The following ITGA3 variants were observed in gnomAD, a reference collection of about 807,000 sequenced individuals.
ITGA3 encodes the protein integrin alpha-3.
Under a neutral mutation model 131.1 loss-of-function variants are expected in ITGA3, and 70 were observed. The observed-to-expected ratio is 0.53, with a 90% CI of 0.44 to 0.65. The LOEUF (loss-of-function observed/expected upper bound fraction) is 0.65, where lower values mean the gene tolerates loss of function less well. Ranked by LOEUF, ITGA3 falls within the 30% of genes least tolerant of loss-of-function variation. The pLI is 0.00. For missense variants in ITGA3, 1,098 were observed against 1,388.6 expected (o/e 0.79, Z 3.33); for synonymous variants, 537 against 571.6 (o/e 0.94, Z 0.86).
rs1260272981 is a variant in ITGA3, at chr17:50,088,306, G to A, written c.3127G>A (p.Glu1043Lys). 6.3e-7 allele frequency: 1 copy of A among 1,587,000 alleles called. No individual in the cohort carries two copies. Among genetic ancestry groups the A allele is most frequent in the East Asian group, 2.3e-5 (1 of 43,616 alleles). The change falls in exon 25 of 26, where the codon GAG becomes AAG. Residue 1043 changes from glutamate (E) to lysine (K), a missense_variant. Around this residue, in one of 3 missense-constraint regions of ITGA3, gnomAD observed 699 missense variants for 829.2 expected, o/e 0.84. Transcript: ENST00000320031. ...GGCGGAGATGAAGAGCCAGCCGTCA[G>A]AGACAGAGAGGCTGACCGACGACTA... ...QKAEMKSQPS[E>K]TERLTDDY
In ITGA3 at chr17:50,071,392, T is replaced by C. The variant is rs779646280; in HGVS notation, c.833T>C (p.Met278Thr). The change falls in exon 6 of 26, where the codon ATG becomes ACG. Residue 278 changes from methionine to threonine, a missense_variant. Met to Thr is a moderately conservative substitution (Grantham distance 81). Coordinates refer to ENST00000320031, the MANE Select transcript of ITGA3 (RefSeq NM_002204.4). ...IVTGAPRHRH[M>T]GAVFLLSQEA... ...ACAGGTGCCCCACGGCACCGACATA[T>C]GGGCGCGGTGTTCTTGCTGAGCCAG... 6 of 1,614,148 alleles carry C rather than the reference T, an allele frequency of 3.7e-6. No homozygotes were observed. Among genetic ancestry groups the C allele is most frequent in the East Asian group, 2.2e-5 (1 of 44,872 alleles).
Position 50,056,682 on chromosome 17 carries a change from G to C in ITGA3, c.206+37G>C. The C allele has an allele frequency of 1.3e-6, 2 of 1,562,172 alleles. No individual in the cohort carries two copies. Among genetic ancestry groups the C allele is most frequent in the Non-Finnish European group, 1.7e-6 (2 of 1,151,688 alleles). On this transcript the variant is annotated intron_variant, in intron 1 of 25. Transcript: ENST00000320031. This position sits in a 1 kb window ranked among gnomAD's most constrained non-coding sequence, Gnocchi z 5.6. The stretch of plus-strand genomic sequence containing the variant: ...TGGAGGGTGTGGGGTGGGAGCGAGA[G>C]AGTGTGCGAGCGCGGGATGCGGGTC...
At chr17:50,080,230 A>G (rs1259871932) in intron 21 of ITGA3, 32 bp from the exon 22 acceptor site, 3 of 1,283,406 alleles carry the variant, frequency 2.3e-6, no homozygotes, top group South Asian at 1.2e-5. Context: ...GACTCAGACT[A>G]TGTCACGTCT....
chr17:50,064,178 G>A lies in ITGA3; in HGVS notation c.308G>A (p.Cys103Tyr). 1 of 1,609,884 alleles carries A rather than the reference G, an allele frequency of 6.2e-7. No homozygotes were observed. The highest frequency in any genetic ancestry group is 8.5e-7 in the Non-Finnish European group (1 of 1,178,438). Residue 103 changes from cysteine to tyrosine, a missense_variant, in exon 2 of 26, where the codon TGT becomes TAT. Cys to Tyr is a radical substitution (Grantham distance 194, BLOSUM62 -2). This residue lies in a region of ITGA3 where 356 missense variants were observed against 529.2 expected (regional missense o/e 0.67). Transcript: ENST00000320031. The surrounding 1 kb of genome is among the most constrained non-coding windows in gnomAD (Gnocchi z 4.4). ...CCACTCACTGCCCACAAGGATGACTGTGAGCGGATGAACATCACAGTGAAA... is the reference window on the plus strand; with the variant it reads ...CCACTCACTGCCCACAAGGATGACTATGAGCGGATGAACATCACAGTGAAA... ...LCPLTAHKDD[C>Y]ERMNITVKND...
chr17:50,090,002 G>A lies in ITGA3; in HGVS notation c.*924G>A, dbSNP rs9909341. The A allele has an allele frequency of 0.011, 2,652 of 250,956 alleles. 70 individuals carry two copies. The highest frequency in any genetic ancestry group is 0.055 in the African/African-American group (2,465 of 44,416). The allele number at this position is 250,956 out of a possible 1,614,324, so 15.5% of individuals were successfully genotyped here. A position where few individuals can be genotyped will look rare whatever the true frequency, so the allele number is the denominator to read the frequency against. ...TGGGCTCACTGTGCTGGGGCACGGC[G>A]GGATCCTCCACAGAGAGGAGGGGAC... On this transcript the variant is annotated 3_prime_UTR_variant, in exon 26 of 26. Coordinates refer to ENST00000320031, the MANE Select transcript of ITGA3 (RefSeq NM_002204.4).
chr17:50,075,661 A>C lies in ITGA3; in HGVS notation c.1600A>C (p.Ser534Arg), dbSNP rs748746146. 3 of 1,614,084 alleles carry C rather than the reference A, an allele frequency of 1.9e-6. No individual in the cohort carries two copies. The highest frequency in any genetic ancestry group is 1.1e-5 in the South Asian group (1 of 91,090). ...GCCGCCCCGGCTCCGCTTTGCCGGC[A>C]GTGAGTCCGCTGTCTTCCACGGCTT... ...RRPPRLRFAG[S>R]ESAVFHGFFS... The change falls in exon 12 of 26, where the codon AGT (serine) becomes CGT (arginine). Residue 534 changes from serine (S) to arginine (R), a missense_variant. This residue lies in a region of ITGA3 where 699 missense variants were observed against 829.2 expected (regional missense o/e 0.84). Transcript: ENST00000320031.
At chr17:50,087,646 G>A (rs931814889) in intron 23 of ITGA3, 98 bp from the exon 24 acceptor site, 39 of 1,399,490 alleles carry the variant, frequency 2.8e-5, no homozygotes, top group Non-Finnish European at 3.7e-5. Context: ...ACTGGCAGCA[G>A]GACAAACAGC....
In ITGA3 at chr17:50,082,832, A is replaced by G. The variant is rs577865639; in HGVS notation, c.2919+1424A>G. Among the ~76,000 whole-genome samples, 14 of 151,790 alleles carry G rather than the reference A, an allele frequency of 9.2e-5. No homozygotes were observed. In the South Asian group the frequency reaches 2.9e-3, roughly 31 times the overall value. On this transcript the variant is annotated intron_variant, in intron 23 of 25. Transcript: ENST00000320031. ...TTGAGAAATGATTAGAAAAAAGTCA[A>G]TATTGTATTATCAAGTTGTCAGATC... is the stretch of plus-strand genomic sequence containing the variant.
rs554039704 is a variant in ITGA3, at chr17:50,058,884, A to G, written c.206+2239A>G. Among the ~76,000 whole-genome samples, 27 of 152,338 alleles carry G rather than the reference A, an allele frequency of 1.8e-4. No homozygotes were observed. The South Asian group carries it at 5.6e-3, about 32-fold the overall frequency. On this transcript the variant is annotated intron_variant, in intron 1 of 25. Coordinates refer to ENST00000320031, the MANE Select transcript of ITGA3 (RefSeq NM_002204.4). ...AAAGTGGGATGGTTCGTGGTCTTGGACAGGCTCTTAAACTGGGGTTCGTAG... is the reference window on the plus strand; with the variant it reads ...AAAGTGGGATGGTTCGTGGTCTTGGGCAGGCTCTTAAACTGGGGTTCGTAG...
intron 14 of ITGA3, 70 bp from the exon 15 acceptor site, chr17:50,076,904 C>T: frequency 6.6e-7 from 1 of 1,515,700 alleles, no homozygotes; most frequent in East Asian, 2.3e-5. Flanking sequence ...ACCCCAGGGG[C>T]GGGGCCTAGT....
chr17:50,070,778 G>GT, intron 4 of ITGA3, 66 bp from the exon 5 acceptor site: 2 of 1,047,408 alleles, frequency 1.9e-6, no homozygotes, highest in Non-Finnish European at 1.5e-6. Flanking sequence ...GCTGGACATG[G>GT]TAGAGGAAAC....
At chr17:50,068,454 A>G (rs1037986488) in intron 4 of ITGA3, 149 bp downstream of exon 4, 55 of 834,584 alleles carry the variant, frequency 6.6e-5, no homozygotes, top group Non-Finnish European at 9.2e-5. Flanking sequence ...ACTGTTTTAA[A>G]GCACTTACTA....
Position 50,058,517 on chromosome 17 carries a change from G to A in ITGA3, c.206+1872G>A, listed in dbSNP as rs543055187. 1.6e-4 allele frequency among the ~76,000 whole-genome samples: 25 copies of A among 152,342 alleles called. No individual in the cohort carries two copies. The South Asian group carries it at 3.3e-3, about 20-fold the overall frequency. ...TGCATCCTCATTACCCATGGGCCCC[G>A]CCCAGGGTGGCTGAGCAAAGGGGTT... is the stretch of plus-strand genomic sequence containing the variant. On this transcript the variant is annotated intron_variant, in intron 1 of 25. Transcript: ENST00000320031.
chr17:50,063,803 A>T, intron 1 of ITGA3: 1 of 457,568 alleles, frequency 2.2e-6, no homozygotes, highest in Non-Finnish European at 4.0e-6. Context: ...TTGTCCTCAG[A>T]CTCAGATTAG....
chr17:50,069,580 C>T (rs1908525355), intron 4 of ITGA3, among the ~76,000 whole-genome samples: 3 of 152,132 alleles, frequency 2.0e-5, no homozygotes, highest in South Asian at 2.1e-4. Flanking sequence ...GTGGGAGGAT[C>T]GCTTGGGCCC....
intron 4 of ITGA3, among the ~76,000 whole-genome samples, chr17:50,069,242 C>G (rs1908504117): frequency 6.6e-6 from 1 of 152,142 alleles, no homozygotes; most frequent in Non-Finnish European, 1.5e-5. Context: ...TGCCCAAGGC[C>G]AACAAAGTTA....
At chr17:50,077,155 A>C (rs1320632543) in intron 15 of ITGA3, 34 bp downstream of exon 15, 1 of 1,511,862 alleles carries the variant, frequency 6.6e-7, no homozygotes, top group Non-Finnish European at 8.9e-7. Flanking sequence ...GAGCCCAAGC[A>C]GGGCTCCCCG....
In ITGA3 at chr17:50,076,987, A is replaced by G. The variant is rs1182480165; in HGVS notation, c.1936A>G (p.Arg646Gly). 7 of 1,610,152 alleles carry G rather than the reference A, an allele frequency of 4.3e-6. No individual in the cohort carries two copies. Among genetic ancestry groups the G allele is most frequent in the African/African-American group, 1.3e-5 (1 of 74,854 alleles). ...QQKLSRLQYS[R>G]DVRKLLLSIN... ...TCCTGCTCTCAGGCTCCAGTACAGC[A>G]GAGACGTCCGGAAATTGCTCCTGAG... Residue 646 changes from arginine (R) to glycine (G), a missense_variant, in exon 15 of 26, where the codon AGA becomes GGA. This residue lies in a region of ITGA3 where 699 missense variants were observed against 829.2 expected (regional missense o/e 0.84). Transcript: ENST00000320031.
intron 10 of ITGA3, 70 bp downstream of exon 10, chr17:50,074,604 C>T (rs1908796118): frequency 2.7e-6 from 3 of 1,094,734 alleles, no homozygotes; most frequent in Non-Finnish European, 4.2e-6. Context: ...AGCTCCCAAA[C>T]CCCTCCCCTG....
Sources: allele counts gnomAD v4.1 joint callset (sites outside exome capture counted in the v4.1 genomes callset), GRCh38; gene constraint gnomAD v4.1.1; regional missense constraint gnomAD v4.1.1; non-coding constraint Gnocchi (gnomAD v3.1); transcripts MANE v1.5; gene names NCBI Gene and HGNC (gene_info 2026-07-23, HGNC 2026-07-21).